KSR2: variants seen among roughly 807,000 people sequenced by gnomAD.
KSR2 encodes the protein kinase suppressor of ras 2.
KSR2 carries 25 observed loss-of-function variants against 107.8 expected under a neutral mutation model. The observed-to-expected ratio is 0.23, with a 90% confidence interval of 0.17 to 0.32. The LOEUF (loss-of-function observed/expected upper bound fraction) is 0.32. Ranked by LOEUF, KSR2 falls within the 10% of genes least tolerant of loss-of-function variation. KSR2 has a pLI of 1.00. For missense variants in KSR2, 887 were observed against 1,268.9 expected (o/e 0.70, Z 4.57); for synonymous variants, 480 against 507.0 (o/e 0.95, Z 0.71).
At position 117,952,803 on chromosome 12, in the gene KSR2, G is replaced by A. The variant is rs866083757; in HGVS notation, c.180+15273C>T. On this transcript the variant is annotated intron_variant, in intron 1 of 19. Coordinates refer to ENST00000339824, the MANE Select transcript of KSR2 (RefSeq NM_173598.6). ...GTTCGAGACCAGCCTGGCCAACATG[G>A]TGAAACCCCCATCTCTACTAAAAAT... 1.2e-4 allele frequency among the ~76,000 whole-genome samples: 19 copies of A among 152,080 alleles called. No homozygotes were observed. The Middle Eastern group carries it at 0.017, about 136-fold the overall frequency.
intron 4 of KSR2, among the ~76,000 whole-genome samples, chr12:117,710,508 G>A (rs1886722976): frequency 6.6e-6 from 1 of 152,162 alleles, no homozygotes; most frequent in Non-Finnish European, 1.5e-5. Flanking sequence ...CGTGATGTTG[G>A]AGCAGAGGGT....
intron 5 of KSR2, among the ~76,000 whole-genome samples, chr12:117,606,358 TCC>T (rs1444187800): frequency 3.3e-5 from 2 of 61,346 alleles, no homozygotes; most frequent in Admixed American, 2.3e-4. Context: ...CCTCCCTCCC[TCC>T]CCTCCTTCCT....
intron 7 of KSR2, among the ~76,000 whole-genome samples, chr12:117,575,645 TG>T (rs1392980245): frequency 2.0e-5 from 3 of 152,228 alleles, no homozygotes; most frequent in African/African-American, 7.2e-5. Context: ...CTCATAATTA[TG>T]TACTGGAGAT....
At chr12:117,581,344 G>A (rs1183146670) in intron 6 of KSR2, among the ~76,000 whole-genome samples, 2 of 152,122 alleles carry the variant, frequency 1.3e-5, no homozygotes. Context: ...CAAGGGAACA[G>A]GCCTTATGTC....
intron 5 of KSR2, among the ~76,000 whole-genome samples, chr12:117,656,410 G>A (rs930029451): frequency 6.6e-6 from 1 of 152,146 alleles, no homozygotes; most frequent in Non-Finnish European, 1.5e-5. Flanking sequence ...GGGAGTTCGA[G>A]ACAAGCCTGA....
intron 3 of KSR2, among the ~76,000 whole-genome samples, chr12:117,802,667 CA>C (rs1255605004): frequency 6.6e-6 from 1 of 152,198 alleles, no homozygotes; most frequent in African/African-American, 2.4e-5. Context: ...AACCAAGTGT[CA>C]GGGGTGGGGA....
chr12:117,619,210 CTT>C (rs67822272), intron 5 of KSR2, among the ~76,000 whole-genome samples: 49 of 147,276 alleles, frequency 3.3e-4, no homozygotes, highest in East Asian at 8.0e-4. Flanking sequence ...AGTCAATTTT[CTT>C]TTTTTTTTTT....
At chr12:117,866,269 T>C (rs1041982350) in intron 1 of KSR2, among the ~76,000 whole-genome samples, 1 of 152,004 alleles carries the variant, frequency 6.6e-6, no homozygotes, top group Non-Finnish European at 1.5e-5. Flanking sequence ...CCCAGGCTGG[T>C]CTCTAACTCC....
intron 1 of KSR2, among the ~76,000 whole-genome samples, chr12:117,866,363 CA>C (rs1893471286): frequency 6.6e-6 from 1 of 152,178 alleles, no homozygotes; most frequent in Non-Finnish European, 1.5e-5. Flanking sequence ...TAACGGAGCA[CA>C]GGACACAGTC....
Position 117,910,982 on chromosome 12 carries a change from GC to G in KSR2, c.181-50552del, listed in dbSNP as rs544791159. Among the ~76,000 whole-genome samples, 530 of 152,238 alleles carry G rather than the reference GC, an allele frequency of 3.5e-3. 3 individuals are homozygous for G. Among genetic ancestry groups the G allele is most frequent in the African/African-American group, 0.012 (509 of 41,552 alleles). The stretch of plus-strand genomic sequence containing the variant: ...CGTAGGTCATAGTACTCACTACTCT[GC>G]CTTTAAGATACCATATGTTTCTAAA... On this transcript the variant is annotated intron_variant, in intron 1 of 19. Transcript: ENST00000339824.
chr12:117,611,999 A>T lies in KSR2; in HGVS notation c.1172-29640T>A, dbSNP rs184986170. 1.9e-3 allele frequency among the ~76,000 whole-genome samples: 282 copies of T among 152,352 alleles called. 1 individual carries two copies. The highest frequency in any genetic ancestry group is 3.5e-3 in the Non-Finnish European group (237 of 68,034). On this transcript the variant is annotated intron_variant, in intron 5 of 19. Coordinates refer to ENST00000339824, the MANE Select transcript of KSR2 (RefSeq NM_173598.6). Reference sequence around the variant, plus strand: ...TGAGGAGTTAGTGTTTAATGAGTACAGAGTTTCAGTTGGGAAAGATGAAAA... The same window carrying T: ...TGAGGAGTTAGTGTTTAATGAGTACTGAGTTTCAGTTGGGAAAGATGAAAA...
chr12:117,848,845 T>TGGTG (rs1335928550), intron 3 of KSR2, among the ~76,000 whole-genome samples: 26 of 138,648 alleles, frequency 1.9e-4, no homozygotes, highest in Middle Eastern at 3.9e-3. Flanking sequence ...GTGGTGGTGA[T>TGGTG]GGTGATGATG....
At chr12:117,872,149 A>C (rs1255835898) in intron 1 of KSR2, among the ~76,000 whole-genome samples, 1 of 152,200 alleles carries the variant, frequency 6.6e-6, no homozygotes, top group African/African-American at 2.4e-5. Context: ...CTGAACCATC[A>C]CAGTAGCCTC....
intron 9 of KSR2, among the ~76,000 whole-genome samples, chr12:117,554,862 G>A (rs1877546335): frequency 6.6e-6 from 1 of 152,256 alleles, no homozygotes; most frequent in South Asian, 2.1e-4. Flanking sequence ...AGCAAAGCAA[G>A]TGAGGTCTGG....
At chr12:117,951,874 C>T (rs1219482824) in intron 1 of KSR2, among the ~76,000 whole-genome samples, 1 of 152,126 alleles carries the variant, frequency 6.6e-6, no homozygotes, top group African/African-American at 2.4e-5. Context: ...GATCAAAAGG[C>T]TGCCTTGTCA....
intron 9 of KSR2, among the ~76,000 whole-genome samples, chr12:117,544,404 G>A (rs992908384): frequency 2.0e-5 from 3 of 152,094 alleles, no homozygotes; most frequent in African/African-American, 7.2e-5. Flanking sequence ...CAGATCACAA[G>A]GTCAGGAGTT....
chr12:117,643,606 T>TA (rs1272561828), intron 5 of KSR2, among the ~76,000 whole-genome samples: 1 of 152,232 alleles, frequency 6.6e-6, no homozygotes, highest in African/African-American at 2.4e-5. Flanking sequence ...AAACACTCAC[T>TA]ACATTGCCAT....
At chr12:117,632,133 ACATTATT>A (rs1357833729) in intron 5 of KSR2, among the ~76,000 whole-genome samples, 1 of 152,046 alleles carries the variant, frequency 6.6e-6, no homozygotes, top group Non-Finnish European at 1.5e-5. Flanking sequence ...GCAGTAAACT[ACATTATT>A]CAACAACTTC....
rs1252074760 is a variant in KSR2, at chr12:117,907,650, G to A, written c.181-47219C>T. On this transcript the variant is annotated intron_variant, in intron 1 of 19. Coordinates refer to ENST00000339824, the MANE Select transcript of KSR2 (RefSeq NM_173598.6). This position sits in a 1 kb window ranked among gnomAD's most constrained non-coding sequence, Gnocchi z 4.3. ...CTGTAAGGAAACCAACCACCTGTAA[G>A]AGTACAAGGCTAAAGTGAGTTAACC... Among the ~76,000 whole-genome samples, 1 of 152,210 alleles carries A rather than the reference G, an allele frequency of 6.6e-6. No homozygotes were observed. Among genetic ancestry groups the A allele is most frequent in the African/African-American group, 2.4e-5 (1 of 41,450 alleles).
Sources: gnomAD v4.1 joint callset for allele counts (sites outside exome capture counted in the v4.1 genomes callset) on GRCh38, gnomAD v4.1.1 for gene constraint, Gnocchi (gnomAD v3.1) non-coding constraint, MANE v1.5 for transcripts, NCBI Gene and HGNC (gene_info 2026-07-23, HGNC 2026-07-21) for gene names.